The following RASAL3 variants were observed in gnomAD, a reference collection of about 807,000 sequenced individuals.
The protein encoded by RASAL3 is RAS protein activator like-3.
In RASAL3, 74 loss-of-function variants were observed where a neutral mutation model predicts 105.5. The ratio of observed to expected loss-of-function variants is 0.70; its 90% CI spans 0.58 to 0.85. RASAL3 has a LOEUF of 0.85. Ranked by LOEUF, RASAL3 falls within the 40% of genes least tolerant of loss-of-function variation. The pLI is 0.00. For missense variants in RASAL3, 1,352 were observed against 1,392.0 expected, an observed-to-expected ratio of 0.97 and a Z score of 0.46; for synonymous variants, 579 against 591.6, an observed-to-expected ratio of 0.98 and a Z score of 0.31.
chr19:15,454,967 G>A, intron 11 of RASAL3, 74 bp from the exon 12 acceptor site: 1 of 1,154,648 alleles, frequency 8.7e-7, no homozygotes, highest in Non-Finnish European at 1.2e-6. Context: ...AAGGTTGGGA[G>A]TCCCAGAAGC....
Position 15,456,050 on chromosome 19 carries a change from G to A in RASAL3, c.1721+54C>T, listed in dbSNP as rs762273325. The stretch of plus-strand genomic sequence containing the variant: ...ATCTGGCCACCCTAAACTGGAGGTC[G>A]GGGCTAGCATGGTAAGCAGGGGTGG... On this transcript the variant is annotated intron_variant, in intron 11 of 17. Transcript: ENST00000343625. This position sits in a 1 kb window ranked among gnomAD's most constrained non-coding sequence, Gnocchi z 4.4. 36 of 1,578,488 alleles carry A rather than the reference G, an allele frequency of 2.3e-5. No homozygotes were observed. In the South Asian group the frequency reaches 2.5e-4, roughly 11 times the overall value.
rs994871177 is a variant in RASAL3 at position 15,457,131 on chromosome 19, C to T, written c.1431+161G>A. 6.6e-6 allele frequency among the ~76,000 whole-genome samples: 1 copy of T among 152,080 alleles called. No homozygotes were observed. The highest frequency in any genetic ancestry group is 1.5e-5 in the Non-Finnish European group (1 of 67,988). ...TCTAGGTGCCCCGCCCTTCTAGGTGCCCCGCCGCTTACAGGTGACACTTGG... is the reference window on the plus strand; with the variant it reads ...TCTAGGTGCCCCGCCCTTCTAGGTGTCCCGCCGCTTACAGGTGACACTTGG... On this transcript the variant is annotated intron_variant, in intron 9 of 17. Coordinates refer to ENST00000343625, the MANE Select transcript of RASAL3 (RefSeq NM_022904.3). This position sits in a 1 kb window ranked among gnomAD's most constrained non-coding sequence, Gnocchi z 8.6.
At chr19:15,463,511 C>T (rs1970576145) in intron 2 of RASAL3, among the ~76,000 whole-genome samples, 1 of 152,160 alleles carries the variant, frequency 6.6e-6, no homozygotes, top group Admixed American at 6.5e-5. Context: ...AAATCAGGGC[C>T]TGGCACATAC....
At position 15,454,188 on chromosome 19, in the gene RASAL3, G is replaced by T; in HGVS notation, c.2240C>A (p.Pro747Gln). 1 of 1,569,880 alleles carries T rather than the reference G, an allele frequency of 6.4e-7. No individual in the cohort carries two copies. The highest frequency in any genetic ancestry group is 8.6e-7 in the Non-Finnish European group (1 of 1,157,126). The part of the protein sequence containing the change: ...EEGQPVLVSV[P>Q]MRLPLPPAQV... ...GGCCGGGGGCAGTGGGAGACGCATT[G>T]GCACTGACACAAGCACAGGCTGGCC... Residue 747 changes from proline to glutamine, a missense_variant, in exon 14 of 18, where the codon CCA (proline) becomes CAA (glutamine). Transcript: ENST00000343625.
chr19:15,453,111 T>A lies in RASAL3; in HGVS notation c.2666A>T (p.Asn889Ile). The A allele has an allele frequency of 1.9e-6, 3 of 1,613,558 alleles. No individual in the cohort carries two copies. The highest frequency in any genetic ancestry group is 2.5e-6 in the Non-Finnish European group (3 of 1,179,672). The change falls in exon 15 of 18, where the codon AAC (asparagine) becomes ATC (isoleucine). Residue 889 changes from asparagine (N) to isoleucine (I), a missense_variant. Asn to Ile is a moderately radical substitution (Grantham distance 149, BLOSUM62 -3). Around this residue, in one of 3 missense-constraint regions of RASAL3, gnomAD observed 920 missense variants for 919.6 expected, o/e 1.00. Coordinates refer to ENST00000343625, the MANE Select transcript of RASAL3 (RefSeq NM_022904.3). The surrounding 1 kb of genome is among the most constrained non-coding windows in gnomAD (Gnocchi z 4.2). Reference protein sequence around the residue: ...NQALGTHRPVNKLAELQCEVA... With the variant: ...NQALGTHRPVIKLAELQCEVA... ...CGGACCTGGGCCTGACCTTACCTTGTTCACAGGTCGGTGCGTGCCCAGTGC... is the reference window on the plus strand; with the variant it reads ...CGGACCTGGGCCTGACCTTACCTTGATCACAGGTCGGTGCGTGCCCAGTGC...
chr19:15,456,885 G>A lies in RASAL3; in HGVS notation c.1432-239C>T, dbSNP rs1291958614. On this transcript the variant is annotated intron_variant, in intron 9 of 17. Coordinates refer to ENST00000343625, the MANE Select transcript of RASAL3 (RefSeq NM_022904.3). The surrounding 1 kb of genome is among the most constrained non-coding windows in gnomAD (Gnocchi z 4.4). ...CCCCGCCCCTCACGCGTGATGCTCA[G>A]GCCCCTGTCGCAGCTGAAGCTTAGG... 6.9e-6 allele frequency: 4 copies of A among 577,502 alleles called. No individual in the cohort carries two copies. The African/African-American group carries it at 7.5e-5, about 11-fold the overall frequency. 35.8% of individuals were successfully genotyped at this position (577,502 alleles called of 1,614,324 possible).
At chr19:15,461,730 T>G (rs1970518652) in intron 2 of RASAL3, 123 bp from the exon 3 acceptor site, 1 of 1,358,876 alleles carries the variant, frequency 7.4e-7, no homozygotes, top group Admixed American at 3.4e-5. Context: ...AGCAGCCGTA[T>G]CAGACTGTAT....
At chr19:15,460,462 G>T (rs1293368614) in intron 5 of RASAL3, among the ~76,000 whole-genome samples, 1 of 152,126 alleles carries the variant, frequency 6.6e-6, no homozygotes, top group Non-Finnish European at 1.5e-5. Context: ...CTGTCGCCCA[G>T]GCTGGAGTAC....
chr19:15,464,152 C>A lies in RASAL3; in HGVS notation c.207G>T (p.Arg69=). The A allele has an allele frequency of 6.2e-7, 1 of 1,613,540 alleles. No homozygotes were observed. The highest frequency in any genetic ancestry group is 1.1e-5 in the South Asian group (1 of 91,038). Residue 69 remains arginine (R), a synonymous_variant, in exon 2 of 18, where the codon CGG becomes CGT. Transcript: ENST00000343625. The part of the protein sequence containing the change: ...TQPAPRSIFR[R]VLSAPPKESR... ...ACTCCTTGGGAGGCGCAGATAGGAC[C>A]CGACGGAATATCGAGCGAGGGGCTG...
intron 11 of RASAL3, 57 bp from the exon 12 acceptor site, chr19:15,454,950 A>T: frequency 7.4e-7 from 1 of 1,354,248 alleles, no homozygotes; most frequent in Non-Finnish European, 1.0e-6. Flanking sequence ...ATAAAGGTTA[A>T]AGTCATAAGG....
intron 6 of RASAL3, among the ~76,000 whole-genome samples, chr19:15,459,239 C>CTATTTATTTATTTATTTATT (rs34335057): frequency 0.17 from 24,658 of 144,382 alleles, 2,663 homozygotes; most frequent in African/African-American, 0.27. Context: ...GTGCCCAGCC[C>CTATTTATTTATTTATTTATT]TATTTATTTA....
In RASAL3 at chr19:15,454,816, C is replaced by T; in HGVS notation, c.1799G>A (p.Gly600Asp). The change falls in exon 12 of 18, where the codon GGC (glycine) becomes GAC (aspartate). Residue 600 changes from glycine to aspartate, a missense_variant. Transcript: ENST00000343625. The stretch of plus-strand genomic sequence containing the variant: ...GAGGGAGGCGCACACCAGTCGGGGG[C>T]CCAGCACCTCAGAGCCACGTTCTTT... Reference protein sequence around the residue: ...ACKERGSEVLGPRLVCASLFL... With the variant: ...ACKERGSEVLDPRLVCASLFL... The T allele has an allele frequency of 6.3e-7, 1 of 1,590,644 alleles. No homozygotes were observed. Among genetic ancestry groups the T allele is most frequent in the East Asian group, 2.3e-5 (1 of 43,632 alleles).
chr19:15,462,215 T>C (rs1970533029), intron 2 of RASAL3, among the ~76,000 whole-genome samples: 1 of 152,020 alleles, frequency 6.6e-6, no homozygotes, highest in African/African-American at 2.4e-5. Flanking sequence ...GCCTGGGCTC[T>C]GTGGCTCACA....
In RASAL3 at chr19:15,464,083, C is replaced by A; in HGVS notation, c.276G>T (p.Arg92Ser). The A allele has an allele frequency of 6.2e-7, 1 of 1,601,174 alleles. No homozygotes were observed. The highest frequency in any genetic ancestry group is 1.1e-5 in the South Asian group (1 of 90,254). The change falls in exon 2 of 18, where the codon AGG becomes AGT. Residue 92 changes from arginine to serine, a missense_variant. This residue lies in a region of RASAL3 where 344 missense variants were observed against 339.6 expected (regional missense o/e 1.01). Coordinates refer to ENST00000343625, the MANE Select transcript of RASAL3 (RefSeq NM_022904.3). ...RLRLSKALWGRHKNPPPEPDP... is the reference protein window; with the variant it reads ...RLRLSKALWGSHKNPPPEPDP... Reference sequence around the variant, plus strand: ...CTGGCTCCGGCGGTGGGTTCTTATGCCTCCCCCAGAGGGCCTTGGAGAGTC... The same window carrying A: ...CTGGCTCCGGCGGTGGGTTCTTATGACTCCCCCAGAGGGCCTTGGAGAGTC...
rs1463612781 is a variant in RASAL3 at position 15,464,019 on chromosome 19, G to A, written c.328+12C>T. Reference sequence around the variant, plus strand: ...CAGCCCGGCCCAAGCTCAGGGTGGGGGAACCATGTACCTGGGGCCTCCTGC... The same window carrying A: ...CAGCCCGGCCCAAGCTCAGGGTGGGAGAACCATGTACCTGGGGCCTCCTGC... On this transcript the variant is annotated intron_variant, in intron 2 of 17. Transcript: ENST00000343625. 3.3e-6 allele frequency: 5 copies of A among 1,534,806 alleles called. No individual in the cohort carries two copies. The highest frequency in any genetic ancestry group is 4.4e-6 in the Non-Finnish European group (5 of 1,141,980).
rs1168698114 is a variant in RASAL3 at position 15,454,451 on chromosome 19, G to A, written c.2070C>T (p.Ala690=). 3.7e-6 allele frequency: 6 copies of A among 1,613,864 alleles called. No individual in the cohort carries two copies. Among genetic ancestry groups the A allele is most frequent in the Non-Finnish European group, 5.1e-6 (6 of 1,179,890 alleles). The change falls in exon 13 of 18, where the codon GCC becomes GCT. Residue 690 remains alanine (A), a synonymous_variant. Transcript: ENST00000343625. ...CACCACTGCCCTGGTAACCACTGGGGGCAGCATCCACATCCACCATGGCTA... is the reference window on the plus strand; with the variant it reads ...CACCACTGCCCTGGTAACCACTGGGAGCAGCATCCACATCCACCATGGCTA... ...DQVAMVDVDA[A]PSGYQGSGDL...
At chr19:15,455,967 T>C (rs1970301925) in intron 11 of RASAL3, 137 bp downstream of exon 11, 1 of 1,021,136 alleles carries the variant, frequency 9.8e-7, no homozygotes, top group Non-Finnish European at 1.4e-6. Context: ...AGTAATTTTT[T>C]AGTATAAGCA....
chr19:15,456,269 A>T lies in RASAL3; in HGVS notation c.1577-21T>A. 6.2e-7 allele frequency: 1 copy of T among 1,610,376 alleles called. No homozygotes were observed. Among genetic ancestry groups the T allele is most frequent in the Non-Finnish European group, 8.5e-7 (1 of 1,177,400 alleles). On this transcript the variant is annotated intron_variant, in intron 10 of 17. Transcript: ENST00000343625. This position sits in a 1 kb window ranked among gnomAD's most constrained non-coding sequence, Gnocchi z 4.4. ...CTGTCCTGCAGCCCAGCACAGCCAG[A>T]TAGGGGCTGGGGCCATGACCACCAA...
At position 15,453,364 on chromosome 19, in the gene RASAL3, C is replaced by G; in HGVS notation, c.2413G>C (p.Glu805Gln). 1 of 1,443,334 alleles carries G rather than the reference C, an allele frequency of 6.9e-7. No individual in the cohort carries two copies. The highest frequency in any genetic ancestry group is 1.4e-5 in the South Asian group (1 of 70,756). 89.4% of individuals were successfully genotyped at this position (1,443,334 alleles called of 1,614,324 possible). The change falls in exon 15 of 18, where the codon GAG becomes CAG. Residue 805 changes from glutamate (E) to glutamine (Q), a missense_variant. Physicochemically the swap from Glu to Gln is conservative, Grantham distance 29. Transcript: ENST00000343625. This position sits in a 1 kb window ranked among gnomAD's most constrained non-coding sequence, Gnocchi z 4.2. ...ESWARPRPDE[E>Q]RPLRRPRPVQ... The stretch of plus-strand genomic sequence containing the variant: ...GGCCGGGGCCGCCGCAGGGGCCGCT[C>G]TTCGTCCGGCCGTGGCCGGGCCCAA...
Sources: allele counts gnomAD v4.1 joint callset (sites outside exome capture counted in the v4.1 genomes callset), GRCh38; gene constraint gnomAD v4.1.1; regional missense constraint gnomAD v4.1.1; non-coding constraint Gnocchi (gnomAD v3.1); transcripts MANE v1.5; gene names NCBI Gene and HGNC (gene_info 2026-07-23, HGNC 2026-07-21).